Variants in CELF2 observed in about 807,000 individuals in gnomAD.
The protein encoded by CELF2 is CUGBP Elav-like family member 2, also known as CUG triplet repeat RNA-binding protein 2.
In CELF2, 8 loss-of-function variants were observed where a neutral mutation model predicts 62.6. That is an observed-to-expected ratio of 0.13 (90% confidence interval 0.07 to 0.23). The LOEUF is 0.23. Among genes scored for constraint, CELF2 ranks in the 10% least tolerant of loss-of-function variants. The pLI is 1.00. For synonymous variants in CELF2, 258 were observed against 250.0 expected, an observed-to-expected ratio of 1.03 and a Z score of -0.30; for missense variants, 333 against 671.0, an observed-to-expected ratio of 0.50 and a Z score of 5.56.
At chr10:11,127,053 C>T (rs573735363) in intron 1 of CELF2, among the ~76,000 whole-genome samples, 21 of 152,152 alleles carry the variant, frequency 1.4e-4, no homozygotes, top group East Asian at 3.9e-4. Context: ...GCCAGCCCCC[C>T]GCCTCATGAC....
At chr10:10,740,920 G>A in the CELF2 span, among the ~76,000 whole-genome samples, 1 of 152,058 alleles carries the variant, frequency 6.6e-6, no homozygotes, top group African/African-American at 2.4e-5. Context: ...TGATGACCAG[G>A]GCTGGAGAAG....
chr10:10,958,269 T>G (rs757002956), intron 2 of CELF2, among the ~76,000 whole-genome samples: 3 of 152,218 alleles, frequency 2.0e-5, no homozygotes, highest in Non-Finnish European at 2.9e-5. Context: ...TGCAGCTGAA[T>G]TCTCTGGGAT....
At chr10:11,070,789 C>T (rs917847016) in intron 1 of CELF2, among the ~76,000 whole-genome samples, 5 of 152,106 alleles carry the variant, frequency 3.3e-5, no homozygotes, top group African/African-American at 7.2e-5. Context: ...GGTGAATGTT[C>T]GGGGAAGGGT....
chr10:10,869,191 GA>G (rs1269150530), intron 1 of CELF2, among the ~76,000 whole-genome samples: 2 of 152,116 alleles, frequency 1.3e-5, no homozygotes, highest in Non-Finnish European at 2.9e-5. Context: ...TCTCAGAAGA[GA>G]AAAAGTCCAT....
the CELF2 span, among the ~76,000 whole-genome samples, chr10:10,470,374 C>A: frequency 6.6e-6 from 1 of 151,658 alleles, no homozygotes; most frequent in Non-Finnish European, 1.5e-5. Flanking sequence ...TTTTTGAGTT[C>A]TGTAGATCAG....
rs143308858 is a variant in CELF2, at chr10:11,270,894, A to C, written c.777+70A>C. Reference sequence around the variant, plus strand: ...CTGCAAACTGACTTTTCCCCTCCCTACGCTGAGGCATTTGTTTTCAGTACA... The same window carrying C: ...CTGCAAACTGACTTTTCCCCTCCCTCCGCTGAGGCATTTGTTTTCAGTACA... On this transcript the variant is annotated intron_variant, in intron 7 of 12. Coordinates refer to ENST00000633077, the MANE Select transcript of CELF2 (RefSeq NM_001326342.2). The surrounding 1 kb of genome is among the most constrained non-coding windows in gnomAD (Gnocchi z 5.8). 2,469 of 1,247,796 alleles carry C rather than the reference A, an allele frequency of 2.0e-3. 2 individuals carry two copies. The highest frequency in any genetic ancestry group is 9.7e-3 in the Middle Eastern group (35 of 3,616). 77.3% of individuals were successfully genotyped at this position (1,247,796 alleles called of 1,614,324 possible). A position where few individuals can be genotyped will look rare whatever the true frequency, so the allele number is the denominator to read the frequency against.
chr10:10,586,177 G>A, the CELF2 span, among the ~76,000 whole-genome samples: 1 of 152,170 alleles, frequency 6.6e-6, no homozygotes, highest in Admixed American at 6.6e-5. Context: ...CCTGAAATAG[G>A]CTTGCTTTAC....
At chr10:10,534,425 T>C in the CELF2 span, among the ~76,000 whole-genome samples, 6 of 152,032 alleles carry the variant, frequency 3.9e-5, no homozygotes, top group Admixed American at 3.3e-4. Flanking sequence ...GAGAAAGAAA[T>C]TGATAGAGCG....
intron 1 of CELF2, among the ~76,000 whole-genome samples, chr10:10,874,436 T>C (rs531484714): frequency 1.3e-5 from 1 of 77,780 alleles, no homozygotes; most frequent in South Asian, 4.3e-4. Flanking sequence ...CCATGGAAAA[T>C]GGTTAAAAAA....
chr10:10,777,053 C>T, the CELF2 span, among the ~76,000 whole-genome samples: 15 of 152,304 alleles, frequency 9.8e-5, no homozygotes, highest in Admixed American at 3.9e-4. Context: ...ATGCGCTACC[C>T]GCCTCCCGAT....
chr10:10,493,289 G>A, the CELF2 span, among the ~76,000 whole-genome samples: 1 of 152,132 alleles, frequency 6.6e-6, no homozygotes, highest in Non-Finnish European at 1.5e-5. Flanking sequence ...AGGGGGCATG[G>A]ATGGCTATGG....
the CELF2 span, among the ~76,000 whole-genome samples, chr10:10,648,720 A>G: frequency 6.6e-6 from 1 of 152,176 alleles, no homozygotes; most frequent in Admixed American, 6.5e-5. Context: ...ACGGTTTGGT[A>G]ATTTTGTTTC....
chr10:10,955,509 G>T (rs1159427364), intron 2 of CELF2, among the ~76,000 whole-genome samples: 3 of 152,204 alleles, frequency 2.0e-5, no homozygotes, highest in Non-Finnish European at 4.4e-5. Flanking sequence ...GCTACACAAT[G>T]AAGCCATAAT....
intron 1 of CELF2, among the ~76,000 whole-genome samples, chr10:11,093,588 T>C (rs1244057836): frequency 1.3e-5 from 2 of 152,218 alleles, no homozygotes; most frequent in African/African-American, 2.4e-5. Context: ...ATAGTGAAAC[T>C]GTTCCTATAT....
At chr10:10,650,931 G>C in the CELF2 span, among the ~76,000 whole-genome samples, 2 of 152,044 alleles carry the variant, frequency 1.3e-5, no homozygotes, top group African/African-American at 4.8e-5. Flanking sequence ...GCAGAAGACC[G>C]GTGATTTCTG....
the CELF2 span, among the ~76,000 whole-genome samples, chr10:10,586,450 C>A: frequency 1.3e-5 from 2 of 152,132 alleles, no homozygotes. Flanking sequence ...GAAACACATA[C>A]CCTAGTCCTT....
intron 5 of CELF2, 149 bp downstream of exon 5, chr10:11,258,021 A>G (rs1014545145): frequency 5.8e-6 from 5 of 864,726 alleles, no homozygotes; most frequent in South Asian, 2.0e-5. Context: ...ACTTTTCACC[A>G]TAGCTGAAAT....
the CELF2 span, among the ~76,000 whole-genome samples, chr10:10,710,130 A>G: frequency 6.6e-6 from 1 of 152,230 alleles, no homozygotes; most frequent in Non-Finnish European, 1.5e-5. Flanking sequence ...CCACTTTGCA[A>G]GGACTCAAAC....
intron 2 of CELF2, among the ~76,000 whole-genome samples, chr10:10,994,617 C>T (rs2053760743): frequency 6.6e-6 from 1 of 152,166 alleles, no homozygotes; most frequent in Non-Finnish European, 1.5e-5. Flanking sequence ...AGCACAAACC[C>T]TGTTGTGAAC....
Sources: gnomAD v4.1 joint callset for allele counts (sites outside exome capture counted in the v4.1 genomes callset) on GRCh38, gnomAD v4.1.1 for gene constraint, Gnocchi (gnomAD v3.1) non-coding constraint, MANE v1.5 for transcripts, NCBI Gene and HGNC (gene_info 2026-07-23, HGNC 2026-07-21) for gene names.